The following NPAS3 variants were observed in gnomAD, a reference collection of about 807,000 sequenced individuals.
NPAS3 encodes neuronal PAS domain-containing protein 3.
NPAS3 carries 14 observed loss-of-function variants against 73.1 expected under a neutral mutation model. The observed-to-expected ratio is 0.19, with a 90% confidence interval of 0.13 to 0.30. NPAS3 has a LOEUF of 0.30. NPAS3 is among the 10% of genes least tolerant of loss of function. The pLI, the probability that NPAS3 is intolerant of heterozygous loss-of-function variation, is 1.00. For synonymous variants in NPAS3, 620 were observed against 541.5 expected (o/e 1.14, Z -2.01); for missense variants, 1,096 against 1,250.0 (o/e 0.88, Z 1.86).
intron 6 of NPAS3, among the ~76,000 whole-genome samples, chr14:33,703,726 A>G (rs575087223): frequency 6.6e-6 from 1 of 152,334 alleles, no homozygotes; most frequent in African/African-American, 2.4e-5. Context: ...CCTATGTGCC[A>G]GGCCATATAC....
Position 33,800,739 on chromosome 14 carries a change from G to A in NPAS3, c.2432G>A (p.Gly811Glu). Residue 811 changes from glycine to glutamate, a missense_variant, in exon 12 of 12, where the codon GGG becomes GAG. Transcript: ENST00000356141. The surrounding 1 kb of genome is among the most constrained non-coding windows in gnomAD (Gnocchi z 6.5). ...CTCCCGCTGGTGCACAGGGTGACCG[G>A]GACCCTGGCCGCCACCAGCACGGCC... 7 of 1,558,378 alleles carry A rather than the reference G, an allele frequency of 4.5e-6. No individual in the cohort carries two copies. Among genetic ancestry groups the A allele is most frequent in the South Asian group, 1.2e-5 (1 of 84,916 alleles).
intron 4 of NPAS3, among the ~76,000 whole-genome samples, chr14:33,456,498 CT>C (rs1291518838): frequency 6.6e-6 from 1 of 152,094 alleles, no homozygotes; most frequent in East Asian, 1.9e-4. Flanking sequence ...TTCATTTACC[CT>C]TTCTTTGGGC....
intron 9 of NPAS3, among the ~76,000 whole-genome samples, chr14:33,788,572 C>A (rs1264464829): frequency 6.6e-6 from 1 of 152,240 alleles, no homozygotes; most frequent in Non-Finnish European, 1.5e-5. Context: ...TATGACACAA[C>A]TAACTCACTA....
intron 4 of NPAS3, among the ~76,000 whole-genome samples, chr14:33,490,972 A>G (rs552976545): frequency 2.4e-4 from 36 of 152,262 alleles, no homozygotes; most frequent in African/African-American, 7.5e-4. Flanking sequence ...TCACTGCAGC[A>G]GCAGCAGCAG....
chr14:33,057,403 T>C (rs1595349353), intron 2 of NPAS3, among the ~76,000 whole-genome samples: 1 of 152,372 alleles, frequency 6.6e-6, no homozygotes, highest in African/African-American at 2.4e-5. Flanking sequence ...ATTTGTTGTA[T>C]ACTTTGAAAA....
At chr14:32,944,288 C>T (rs887936161) in intron 1 of NPAS3, among the ~76,000 whole-genome samples, 2 of 152,080 alleles carry the variant, frequency 1.3e-5, no homozygotes, top group Admixed American at 1.3e-4. Flanking sequence ...TAAAGTTCTG[C>T]ATTGTATTTG....
chr14:33,283,109 T>C (rs183323657), intron 3 of NPAS3, among the ~76,000 whole-genome samples: 1 of 152,348 alleles, frequency 6.6e-6, no homozygotes, highest in African/African-American at 2.4e-5. Flanking sequence ...ACTGATTCTA[T>C]GTATCAAACA....
At chr14:33,411,465 G>A (rs1368116597) in intron 4 of NPAS3, among the ~76,000 whole-genome samples, 1 of 152,224 alleles carries the variant, frequency 6.6e-6, no homozygotes, top group African/African-American at 2.4e-5. Flanking sequence ...TTACAGGTTT[G>A]AGCCACTGCA....
chr14:33,742,547 C>T (rs1313628541), intron 7 of NPAS3, among the ~76,000 whole-genome samples: 1 of 152,148 alleles, frequency 6.6e-6, no homozygotes, highest in East Asian at 1.9e-4. Flanking sequence ...TCATCTGAGC[C>T]TTCAGCAAAG....
Position 33,799,876 on chromosome 14 carries a change from G to C in NPAS3, c.1569G>C (p.Pro523=). ...ACGACGGCCACAGCTCCAGTAACCCGGACAGCCGCGACAGCGACGACAGCT... is the reference window on the plus strand; with the variant it reads ...ACGACGGCCACAGCTCCAGTAACCCCGACAGCCGCGACAGCGACGACAGCT... The change falls in exon 12 of 12, where the codon CCG becomes CCC. Residue 523 remains proline, a synonymous_variant. Transcript: ENST00000356141. 8.1e-6 allele frequency: 13 copies of C among 1,614,136 alleles called. 1 individual carries two copies. In the South Asian group the frequency reaches 1.2e-4, roughly 15 times the overall value.
At chr14:33,205,337 T>C (rs1292629339) in intron 2 of NPAS3, among the ~76,000 whole-genome samples, 1 of 152,220 alleles carries the variant, frequency 6.6e-6, no homozygotes, top group Non-Finnish European at 1.5e-5. Flanking sequence ...TAAAGCTTAT[T>C]AAAAATGCAG....
intron 3 of NPAS3, among the ~76,000 whole-genome samples, chr14:33,301,107 A>G (rs2042512211): frequency 6.6e-6 from 1 of 151,726 alleles, no homozygotes; most frequent in Non-Finnish European, 1.5e-5. Context: ...AGCAGCTCCC[A>G]GATCCAGGTC....
intron 2 of NPAS3, among the ~76,000 whole-genome samples, chr14:33,163,623 GT>G (rs71448290): frequency 0.17 from 18,633 of 110,450 alleles, 813 homozygotes; most frequent in Middle Eastern, 0.3. Context: ...GTGTTTTGTT[GT>G]TTTTTTTTTT....
chr14:33,226,386 T>C (rs1455801737), intron 3 of NPAS3, among the ~76,000 whole-genome samples: 1 of 152,214 alleles, frequency 6.6e-6, no homozygotes, highest in Non-Finnish European at 1.5e-5. Flanking sequence ...GTTTAAAGTA[T>C]GTTGTGACTG....
intron 4 of NPAS3, among the ~76,000 whole-genome samples, chr14:33,557,429 T>C (rs1266163494): frequency 6.6e-6 from 1 of 152,192 alleles, no homozygotes; most frequent in Non-Finnish European, 1.5e-5. Flanking sequence ...CACAAATTGT[T>C]CAAAAGCAAG....
chr14:33,331,111 G>A (rs8023064), intron 3 of NPAS3, among the ~76,000 whole-genome samples: 1,732 of 152,210 alleles, frequency 0.011, 35 homozygotes, highest in African/African-American at 0.04. Context: ...ATGCTGCATC[G>A]TAACTCTTGA....
In NPAS3 at chr14:33,679,097, GC is replaced by G. The variant is rs373650876; in HGVS notation, c.733+2714del. Among the ~76,000 whole-genome samples, 912 of 152,198 alleles carry G rather than the reference GC, an allele frequency of 6.0e-3. 9 individuals are homozygous for G. Among genetic ancestry groups the G allele is most frequent in the African/African-American group, 0.021 (882 of 41,528 alleles). ...CCCTGCCTTCACCAGCCTTCCTTTA[GC>G]CATCCTTGCTAGTGAGATTGAAAAC... On this transcript the variant is annotated intron_variant, in intron 6 of 11. Coordinates refer to ENST00000356141, the Ensembl canonical transcript of NPAS3.
At chr14:33,094,349 TTC>T (rs1300491182) in intron 2 of NPAS3, among the ~76,000 whole-genome samples, 1 of 152,192 alleles carries the variant, frequency 6.6e-6, no homozygotes, top group Non-Finnish European at 1.5e-5. Context: ...TAAAAATATC[TTC>T]TGTTTTATTT....
At chr14:33,183,116 C>G (rs1391767519) in intron 2 of NPAS3, among the ~76,000 whole-genome samples, 1 of 151,948 alleles carries the variant, frequency 6.6e-6, no homozygotes, top group East Asian at 1.9e-4. Context: ...TTCTTTAACT[C>G]TCGATGTACC....
Sources: allele counts gnomAD v4.1 joint callset (sites outside exome capture counted in the v4.1 genomes callset), GRCh38; gene constraint gnomAD v4.1.1; non-coding constraint Gnocchi (gnomAD v3.1); transcripts MANE v1.5; gene names NCBI Gene and HGNC (gene_info 2026-07-23, HGNC 2026-07-21).